WDR27: variants seen among roughly 807,000 people sequenced by gnomAD.
The protein encoded by WDR27 is WD repeat-containing protein 27.
A neutral mutation model predicts 114.4 loss-of-function variants in WDR27; 100 were observed. The observed-to-expected ratio is 0.87, with a 90% CI of 0.74 to 1.03. The LOEUF (loss-of-function observed/expected upper bound fraction) is 1.03. Among genes scored for constraint, WDR27 ranks in the 50% least tolerant of loss-of-function variants. The pLI is 0.00. For missense variants in WDR27, 1,129 were observed against 1,092.9 expected, an observed-to-expected ratio of 1.03 and a Z score of -0.47; for synonymous variants, 449 against 423.1, an observed-to-expected ratio of 1.06 and a Z score of -0.75.
chr6:169,627,966 A>C (rs528206420), intron 21 of WDR27, among the ~76,000 whole-genome samples: 1 of 152,208 alleles, frequency 6.6e-6, no homozygotes, highest in East Asian at 1.9e-4. Flanking sequence ...TGTGACACTC[A>C]AAAAATTCCA....
intron 21 of WDR27, among the ~76,000 whole-genome samples, chr6:169,625,430 G>A (rs1189217763): frequency 2.0e-5 from 3 of 152,250 alleles, no homozygotes; most frequent in South Asian, 2.1e-4. Flanking sequence ...GCCTCCTGGG[G>A]TGGTGGTGGA....
At chr6:169,667,946 G>A (rs761155221) in intron 5 of WDR27, 36 bp downstream of exon 5, 1 of 1,575,310 alleles carries the variant, frequency 6.3e-7, no homozygotes, top group Non-Finnish European at 8.6e-7. Context: ...CACAGCACGT[G>A]CCACGCGGGA....
At chr6:169,492,515 T>G (rs961828814) in intron 25 of WDR27, among the ~76,000 whole-genome samples, 1 of 152,142 alleles carries the variant, frequency 6.6e-6, no homozygotes, top group Non-Finnish European at 1.5e-5. Context: ...AAAAATGTTT[T>G]TAAAGTGTTT....
At chr6:169,483,578 T>TA (rs1467904112) in intron 25 of WDR27, among the ~76,000 whole-genome samples, 1 of 152,090 alleles carries the variant, frequency 6.6e-6, no homozygotes, top group Admixed American at 6.6e-5. Context: ...ACCAGACGTA[T>TA]AAAGAAGAGC....
intron 25 of WDR27, among the ~76,000 whole-genome samples, chr6:169,544,426 C>CTTT (rs201281369): frequency 3.1e-3 from 436 of 140,884 alleles, no homozygotes; most frequent in African/African-American, 0.01. Context: ...ATTTCTTTTC[C>CTTT]TTTTTTTTTT....
chr6:169,511,860 C>A (rs1161181947), intron 25 of WDR27, among the ~76,000 whole-genome samples: 1 of 152,090 alleles, frequency 6.6e-6, no homozygotes, highest in Non-Finnish European at 1.5e-5. Context: ...GTTTTATAAT[C>A]TTTAAACAAT....
At chr6:169,692,647 T>C (rs1784809534) in intron 1 of WDR27, among the ~76,000 whole-genome samples, 1 of 152,162 alleles carries the variant, frequency 6.6e-6, no homozygotes, top group African/African-American at 2.4e-5. Context: ...GGGTGAGGCC[T>C]TTCACTACCG....
chr6:169,535,444 T>A (rs1259250049), intron 25 of WDR27, among the ~76,000 whole-genome samples: 1 of 152,216 alleles, frequency 6.6e-6, no homozygotes, highest in Non-Finnish European at 1.5e-5. Context: ...CCATGAAGGA[T>A]TTCAAACTCA....
At chr6:169,605,330 G>T (rs997554556) in intron 22 of WDR27, among the ~76,000 whole-genome samples, 2 of 151,554 alleles carry the variant, frequency 1.3e-5, no homozygotes, top group African/African-American at 2.4e-5. Flanking sequence ...TAATGATTTA[G>T]CTGAGAACCA....
At chr6:169,487,056 T>G (rs769338990) in intron 25 of WDR27, among the ~76,000 whole-genome samples, 8 of 152,164 alleles carry the variant, frequency 5.3e-5, no homozygotes, top group Non-Finnish European at 1.2e-4. Flanking sequence ...GCAGCCTGGA[T>G]TTGAATCCTG....
At chr6:169,682,339 G>A (rs906999493) in intron 2 of WDR27, among the ~76,000 whole-genome samples, 2 of 152,198 alleles carry the variant, frequency 1.3e-5, no homozygotes, top group Non-Finnish European at 2.9e-5. Context: ...CCTGCTGGGT[G>A]ACACACCTGT....
At chr6:169,667,529 G>T in intron 5 of WDR27, 1 of 289,690 alleles carries the variant, frequency 3.5e-6, no homozygotes. Context: ...CACCCTGTCA[G>T]GTCAGGTGCA....
chr6:169,576,697 T>A (rs1263027358), intron 24 of WDR27, among the ~76,000 whole-genome samples: 2 of 150,004 alleles, frequency 1.3e-5, no homozygotes, highest in African/African-American at 4.9e-5. Context: ...AACCCAGGAG[T>A]TCGAGGCTGC....
At chr6:169,584,517 T>C (rs1238968826) in intron 23 of WDR27, among the ~76,000 whole-genome samples, 1 of 152,194 alleles carries the variant, frequency 6.6e-6, no homozygotes, top group Non-Finnish European at 1.5e-5. Context: ...CCAACCTACA[T>C]TCCCACCAAC....
intron 17 of WDR27, among the ~76,000 whole-genome samples, chr6:169,641,150 C>G (rs1009886330): frequency 6.6e-6 from 1 of 152,224 alleles, no homozygotes; most frequent in Non-Finnish European, 1.5e-5. Context: ...TCCTTCATCT[C>G]AAGTGTCAGG....
intron 22 of WDR27, among the ~76,000 whole-genome samples, chr6:169,604,313 T>C (rs547476231): frequency 6.6e-6 from 1 of 152,198 alleles, no homozygotes; most frequent in East Asian, 1.9e-4. Flanking sequence ...CATCAGAGAC[T>C]ATAATGAAAA....
chr6:169,532,437 T>G (rs1029748216), intron 25 of WDR27, among the ~76,000 whole-genome samples: 1 of 152,170 alleles, frequency 6.6e-6, no homozygotes, highest in African/African-American at 2.4e-5. Context: ...TATAACAAAT[T>G]ATTGAATAAA....
In WDR27 at chr6:169,612,680, G is replaced by A. The variant is rs1423691110; in HGVS notation, c.2321+879C>T. ...CAATGTCTTCTTCTGGACACTTCCT[G>A]CAGGACCTGCCTGAGGCTGCTTTAT... On this transcript the variant is annotated intron_variant, in intron 22 of 25. Transcript: ENST00000448612. Among the ~76,000 whole-genome samples, 3 of 147,302 alleles carry A rather than the reference G, an allele frequency of 2.0e-5. No individual in the cohort carries two copies. In the Admixed American group the frequency reaches 2.0e-4, roughly 10 times the overall value.
At chr6:169,489,776 C>T (rs980087866) in intron 25 of WDR27, among the ~76,000 whole-genome samples, 15 of 152,214 alleles carry the variant, frequency 9.9e-5, no homozygotes, top group Non-Finnish European at 1.5e-4. Context: ...CAAGGCTCAG[C>T]TCTCCAAAGA....
Sources: gnomAD v4.1 joint callset for allele counts (sites outside exome capture counted in the v4.1 genomes callset) on GRCh38, gnomAD v4.1.1 for gene constraint, MANE v1.5 for transcripts, NCBI Gene and HGNC (gene_info 2026-07-23, HGNC 2026-07-21) for gene names.